TRIM33: variants seen among roughly 807,000 people sequenced by gnomAD.
TRIM33 encodes E3 ubiquitin-protein ligase TRIM33.
A neutral mutation model predicts 125.4 loss-of-function variants in TRIM33; 20 were observed. That is an observed-to-expected ratio of 0.16 (90% confidence interval 0.11 to 0.23). The LOEUF is 0.23. Ranked by LOEUF, TRIM33 falls within the 10% of genes least tolerant of loss-of-function variation. The pLI is 1.00. For missense variants in TRIM33, 920 were observed against 1,411.4 expected (o/e 0.65, Z 5.58); for synonymous variants, 564 against 513.9 (o/e 1.10, Z -1.32).
chr1:114,509,822 T>C (rs1268914777), intron 1 of TRIM33, among the ~76,000 whole-genome samples: 2 of 152,228 alleles, frequency 1.3e-5, no homozygotes, highest in Non-Finnish European at 2.9e-5. Context: ...TTGAGTACTT[T>C]ATTCAATCCT....
Position 114,397,654 on chromosome 1 carries a change from T to C in TRIM33, c.3378A>G (p.Ile1126Met). 1 of 1,588,016 alleles carries C rather than the reference T, an allele frequency of 6.3e-7. No homozygotes were observed. Residue 1126 changes from isoleucine (I) to methionine (M), a missense_variant, in exon 20 of 20, where the codon ATA (isoleucine) becomes ATG (methionine). Coordinates refer to ENST00000358465, the MANE Select transcript of TRIM33 (RefSeq NM_015906.4). ...GATTTAAATCCATGTCATTTTACTT[T>C]ATATGTACTGGTCTCTCATCTGACT... is the stretch of plus-strand genomic sequence containing the variant. ...RLKSDERPVH[I>M]K
chr1:114,433,194 A>T (rs749827220), intron 5 of TRIM33, among the ~76,000 whole-genome samples: 3 of 152,206 alleles, frequency 2.0e-5, no homozygotes, highest in Non-Finnish European at 4.4e-5. Flanking sequence ...AAACTATATC[A>T]TGTATTCATC....
At position 114,407,053 on chromosome 1, in the gene TRIM33, T is replaced by A. The variant is rs1453215682; in HGVS notation, c.2306A>T (p.Lys769Ile). Reference sequence around the variant, plus strand: ...TTGCTTGACCTTCACCTGATCAGATTTGAAACTAAGACTTGTCTTCTCAGC... The same window carrying A: ...TTGCTTGACCTTCACCTGATCAGATATGAAACTAAGACTTGTCTTCTCAGC... ...RTAEKTSLSF[K>I]SDQVKVKQEP... The change falls in exon 14 of 20, where the codon AAA becomes ATA. Residue 769 changes from lysine (K) to isoleucine (I), a missense_variant. Lys to Ile is a moderately radical substitution (Grantham distance 102). Transcript: ENST00000358465. The A allele has an allele frequency of 1.9e-6, 3 of 1,613,944 alleles. No individual in the cohort carries two copies. Among genetic ancestry groups the A allele is most frequent in the Admixed American group, 3.3e-5 (2 of 60,008 alleles).
At chr1:114,494,116 C>A (rs1233367807) in intron 1 of TRIM33, among the ~76,000 whole-genome samples, 2 of 141,584 alleles carry the variant, frequency 1.4e-5, no homozygotes, top group Admixed American at 6.9e-5. Context: ...AGCCACTGCA[C>A]CCCGCCATTT....
chr1:114,503,179 C>T (rs937364975), intron 1 of TRIM33, among the ~76,000 whole-genome samples: 1 of 152,150 alleles, frequency 6.6e-6, no homozygotes, highest in African/African-American at 2.4e-5. Context: ...ACTACTCTCT[C>T]GCGTTAAAAT....
intron 1 of TRIM33, among the ~76,000 whole-genome samples, chr1:114,496,559 T>C (rs537176669): frequency 5.7e-4 from 87 of 152,350 alleles, no homozygotes; most frequent in African/African-American, 1.9e-3. Context: ...AGGAAAAAAG[T>C]ATCAAGGATA....
intron 11 of TRIM33, among the ~76,000 whole-genome samples, chr1:114,416,012 T>C (rs1162072767): frequency 2.7e-5 from 4 of 150,666 alleles, no homozygotes; most frequent in Non-Finnish European, 5.9e-5. Context: ...CTCCCTATTA[T>C]ATAAGAAACT....
At chr1:114,469,857 T>C (rs1650532386) in intron 1 of TRIM33, among the ~76,000 whole-genome samples, 1 of 152,194 alleles carries the variant, frequency 6.6e-6, no homozygotes, top group African/African-American at 2.4e-5. Flanking sequence ...TGCTGCTTTA[T>C]ACAGGGAAAA....
At chr1:114,424,237 G>C (rs1647401833) in intron 10 of TRIM33, among the ~76,000 whole-genome samples, 1 of 152,108 alleles carries the variant, frequency 6.6e-6, no homozygotes, top group Non-Finnish European at 1.5e-5. Flanking sequence ...CACATTAAAA[G>C]AGCAGAGCAG....
intron 11 of TRIM33, among the ~76,000 whole-genome samples, chr1:114,413,574 G>GA (rs1290688079): frequency 1.9e-5 from 1 of 51,888 alleles, no homozygotes; most frequent in Non-Finnish European, 3.4e-5. Flanking sequence ...AAAAAAAAAA[G>GA]AAAAGAAAAG....
At chr1:114,418,419 C>G (rs1301808200) in intron 11 of TRIM33, among the ~76,000 whole-genome samples, 1 of 152,224 alleles carries the variant, frequency 6.6e-6, no homozygotes, top group Non-Finnish European at 1.5e-5. Flanking sequence ...CAACCTCCCT[C>G]TTCTTTGCCT....
intron 10 of TRIM33, among the ~76,000 whole-genome samples, chr1:114,423,095 A>G (rs1200622283): frequency 6.6e-6 from 1 of 152,216 alleles, no homozygotes; most frequent in African/African-American, 2.4e-5. Context: ...GCTCAAAGAA[A>G]TGTATATCCA....
intron 1 of TRIM33, among the ~76,000 whole-genome samples, chr1:114,484,949 G>C (rs758627218): frequency 3.9e-5 from 6 of 152,084 alleles, no homozygotes; most frequent in African/African-American, 9.7e-5. Context: ...CTACTCGGGA[G>C]GCTGAGACAC....
At chr1:114,502,733 C>T (rs1004098833) in intron 1 of TRIM33, among the ~76,000 whole-genome samples, 1 of 152,148 alleles carries the variant, frequency 6.6e-6, no homozygotes, top group Non-Finnish European at 1.5e-5. Context: ...TCTTGAACTC[C>T]TGGGCTCAAG....
intron 4 of TRIM33, among the ~76,000 whole-genome samples, chr1:114,461,298 A>T (rs114673138): frequency 8.6e-4 from 123 of 143,294 alleles, no homozygotes; most frequent in African/African-American, 2.2e-3. Context: ...ATATTTATAT[A>T]TTATATTTTA....
chr1:114,439,468 CAAAAAAAAAAAAAAA>C (rs59231995), intron 4 of TRIM33, among the ~76,000 whole-genome samples: 1 of 45,974 alleles, frequency 2.2e-5, no homozygotes, highest in East Asian at 9.3e-4. Context: ...GACTCTGTAT[CAAAAAAAAAAAAAAA>C]AAAAAAAAAA....
intron 4 of TRIM33, among the ~76,000 whole-genome samples, chr1:114,450,779 A>AT (rs1306664349): frequency 6.6e-6 from 1 of 152,152 alleles, no homozygotes; most frequent in Non-Finnish European, 1.5e-5. Flanking sequence ...CTATCATTTT[A>AT]TGATGTTATA....
At chr1:114,417,088 G>C (rs1008333814) in intron 11 of TRIM33, among the ~76,000 whole-genome samples, 2 of 152,104 alleles carry the variant, frequency 1.3e-5, no homozygotes, top group East Asian at 3.8e-4. Flanking sequence ...GATAGACCTG[G>C]AAAACATTAT....
chr1:114,510,201 G>A (rs1653257216), intron 1 of TRIM33, among the ~76,000 whole-genome samples: 1 of 152,004 alleles, frequency 6.6e-6, no homozygotes. Context: ...GGCCCTTTCA[G>A]CCAAAACGCT....
Sources: allele counts gnomAD v4.1 joint callset (sites outside exome capture counted in the v4.1 genomes callset), GRCh38; gene constraint gnomAD v4.1.1; transcripts MANE v1.5; gene names NCBI Gene and HGNC (gene_info 2026-07-23, HGNC 2026-07-21).